PLPPR1: variants seen among roughly 807,000 people sequenced by gnomAD.
PLPPR1 encodes phospholipid phosphatase related 1.
A neutral mutation model predicts 33.1 loss-of-function variants in PLPPR1; 10 were observed. The observed-to-expected ratio is 0.30, with a 90% CI of 0.19 to 0.51. PLPPR1 has a LOEUF of 0.51. Ranked by LOEUF, PLPPR1 falls within the 20% of genes least tolerant of loss-of-function variation. The probability of loss-of-function intolerance (pLI) is 0.97; values close to 1 mark genes in which losing one functional copy is unlikely to be tolerated. For missense variants in PLPPR1, 304 were observed against 408.1 expected (o/e 0.74, Z 2.20); for synonymous variants, 151 against 151.0 (o/e 1.00, Z 0.00).
At chr9:101,087,022 T>C (rs1244566518) in intron 1 of PLPPR1, among the ~76,000 whole-genome samples, 2 of 151,908 alleles carry the variant, frequency 1.3e-5, no homozygotes, top group Non-Finnish European at 2.9e-5. Context: ...CTACTAAAAA[T>C]ACAAGATTTA....
At chr9:101,322,794 TAGTA>T (rs907371158) in intron 7 of PLPPR1, among the ~76,000 whole-genome samples, 4 of 152,118 alleles carry the variant, frequency 2.6e-5, no homozygotes, top group African/African-American at 7.2e-5. Flanking sequence ...CAAACAAAAA[TAGTA>T]AGGATACACA....
At chr9:101,204,958 A>C (rs1826561804) in intron 2 of PLPPR1, among the ~76,000 whole-genome samples, 1 of 152,076 alleles carries the variant, frequency 6.6e-6, no homozygotes, top group South Asian at 2.1e-4. Context: ...GGGGAGGAGA[A>C]ATGTGGTAAC....
At chr9:101,297,612 T>C (rs1828672813) in intron 4 of PLPPR1, among the ~76,000 whole-genome samples, 1 of 152,184 alleles carries the variant, frequency 6.6e-6, no homozygotes, top group Non-Finnish European at 1.5e-5. Flanking sequence ...GCATAAAACA[T>C]CATAGCTAAA....
chr9:101,235,290 G>A (rs1827276585), intron 2 of PLPPR1, among the ~76,000 whole-genome samples: 1 of 151,784 alleles, frequency 6.6e-6, no homozygotes, highest in Non-Finnish European at 1.5e-5. Flanking sequence ...AGTATTTGTT[G>A]TACTGAATAA....
At chr9:101,281,630 AC>A in intron 3 of PLPPR1, among the ~76,000 whole-genome samples, 1 of 152,106 alleles carries the variant, frequency 6.6e-6, no homozygotes, top group East Asian at 1.9e-4. Context: ...GACTAGAAAA[AC>A]AATAGAGAAG....
At chr9:101,188,243 T>A (rs1321630390) in intron 2 of PLPPR1, among the ~76,000 whole-genome samples, 1 of 152,130 alleles carries the variant, frequency 6.6e-6, no homozygotes, top group Admixed American at 6.6e-5. Flanking sequence ...TGTGCATATA[T>A]GCAAGAGCTC....
chr9:101,209,718 A>G (rs769630979), intron 2 of PLPPR1, among the ~76,000 whole-genome samples: 12 of 152,242 alleles, frequency 7.9e-5, no homozygotes, highest in Non-Finnish European at 1.6e-4. Flanking sequence ...ATCAATGTCA[A>G]GGAATCTGAC....
intron 4 of PLPPR1, among the ~76,000 whole-genome samples, chr9:101,292,625 G>C: frequency 6.6e-6 from 1 of 151,834 alleles, no homozygotes; most frequent in Admixed American, 6.6e-5. Flanking sequence ...GAAGAGAGTT[G>C]GGCGGGGCGG....
At chr9:101,065,617 C>G (rs530734693) in intron 1 of PLPPR1, among the ~76,000 whole-genome samples, 1 of 152,176 alleles carries the variant, frequency 6.6e-6, no homozygotes, top group East Asian at 1.9e-4. Context: ...TCAGTAAAGT[C>G]TTCTCATGAG....
At chr9:101,060,021 A>G (rs1398085625) in intron 1 of PLPPR1, among the ~76,000 whole-genome samples, 1 of 152,100 alleles carries the variant, frequency 6.6e-6, no homozygotes, top group Non-Finnish European at 1.5e-5. Flanking sequence ...CTGTATTTTC[A>G]TGTTCATTGC....
At chr9:101,287,535 T>C (rs952795482) in intron 4 of PLPPR1, among the ~76,000 whole-genome samples, 3 of 152,200 alleles carry the variant, frequency 2.0e-5, no homozygotes, top group Admixed American at 6.5e-5. Context: ...AGAGTCTTGC[T>C]CTCTCCCCAG....
intron 4 of PLPPR1, among the ~76,000 whole-genome samples, chr9:101,297,775 C>G (rs941512910): frequency 5.3e-5 from 8 of 152,148 alleles, no homozygotes; most frequent in East Asian, 1.9e-4. Context: ...TAAGACTCCT[C>G]TCTCTCATTT....
Position 101,309,436 on chromosome 9 carries a change from G to A in PLPPR1, c.611G>A (p.Ser204Asn). The A allele has an allele frequency of 6.2e-7, 1 of 1,614,046 alleles. No individual in the cohort carries two copies. The highest frequency in any genetic ancestry group is 8.5e-7 in the Non-Finnish European group (1 of 1,180,000). ...RSFPSKHAAL[S>N]IYSALYATMY... The stretch of plus-strand genomic sequence containing the variant: ...TTTCCCTCCAAACACGCTGCTCTGA[G>A]CATTTACTCCGCCTTATATGCCACG... Residue 204 changes from serine to asparagine, a missense_variant, in exon 5 of 8, where the codon AGC becomes AAC. Coordinates refer to ENST00000374874, the MANE Select transcript of PLPPR1 (RefSeq NM_207299.2).
rs376704341 is a variant in PLPPR1, at chr9:101,312,852, C to T, written c.691C>T (p.Leu231=). The T allele has an allele frequency of 2.2e-5, 36 of 1,614,180 alleles. No homozygotes were observed. The Middle Eastern group carries it at 4.9e-4, about 22-fold the overall frequency. The change falls in exon 6 of 8, where the codon CTG becomes TTG. Residue 231 remains leucine (L), a synonymous_variant. Coordinates refer to ENST00000374874, the MANE Select transcript of PLPPR1 (RefSeq NM_207299.2). Reference sequence around the variant, plus strand: ...GAGCAGTCGACTGGCCAAGCCGGTGCTGTGCCTCGGAACTCTCTGCACAGC... The same window carrying T: ...GAGCAGTCGACTGGCCAAGCCGGTGTTGTGCCTCGGAACTCTCTGCACAGC... ...TKSSRLAKPV[L]CLGTLCTAFL...
At chr9:101,114,622 G>A (rs771994109) in intron 1 of PLPPR1, among the ~76,000 whole-genome samples, 2 of 152,196 alleles carry the variant, frequency 1.3e-5, no homozygotes, top group African/African-American at 2.4e-5. Flanking sequence ...ACTCGCACAG[G>A]CCAACGCCTC....
intron 2 of PLPPR1, among the ~76,000 whole-genome samples, chr9:101,246,788 G>T (rs1827618523): frequency 6.6e-6 from 1 of 152,032 alleles, no homozygotes; most frequent in Non-Finnish European, 1.5e-5. Flanking sequence ...CCGTTTTCCT[G>T]TTCTTGTCTG....
At chr9:101,121,949 T>C (rs896766330) in intron 1 of PLPPR1, among the ~76,000 whole-genome samples, 1 of 152,218 alleles carries the variant, frequency 6.6e-6, no homozygotes, top group Non-Finnish European at 1.5e-5. Context: ...CATTAATATG[T>C]AGTTTAAAGA....
chr9:101,074,989 A>G (rs1830519688), intron 1 of PLPPR1, among the ~76,000 whole-genome samples: 1 of 152,212 alleles, frequency 6.6e-6, no homozygotes, highest in East Asian at 1.9e-4. Flanking sequence ...TGAACCAAAC[A>G]TTAAGCATCT....
intron 1 of PLPPR1, among the ~76,000 whole-genome samples, chr9:101,109,134 A>ATTTTTTTTTTTTGT (rs1831017674): frequency 1.0e-5 from 1 of 99,774 alleles, no homozygotes; most frequent in African/African-American, 3.9e-5. Flanking sequence ...AATTTTTTGT[A>ATTTTTTTTTTTTGT]TTTTTTTTTT....
Sources: gnomAD v4.1 joint callset for allele counts (sites outside exome capture counted in the v4.1 genomes callset) on GRCh38, gnomAD v4.1.1 for gene constraint, MANE v1.5 for transcripts, NCBI Gene and HGNC (gene_info 2026-07-23, HGNC 2026-07-21) for gene names.